The following ARB2A variants were observed in gnomAD, a reference collection of about 807,000 sequenced individuals.
The protein encoded by ARB2A is cotranscriptional regulator ARB2A.
chr5:94,083,183 G>A, the ARB2A span, among the ~76,000 whole-genome samples: 1 of 152,130 alleles, frequency 6.6e-6, no homozygotes, highest in African/African-American at 2.4e-5. Context: ...TATATTATTA[G>A]ACCTATGCTT....
chr5:93,830,863 A>G, the ARB2A span, among the ~76,000 whole-genome samples: 1 of 152,148 alleles, frequency 6.6e-6, no homozygotes. Flanking sequence ...ACATAATTAT[A>G]CAACTAACCA....
the ARB2A span, among the ~76,000 whole-genome samples, chr5:93,662,544 T>C: frequency 6.6e-6 from 1 of 152,222 alleles, no homozygotes; most frequent in African/African-American, 2.4e-5. Context: ...CTATATACCA[T>C]ACACATATAC....
the ARB2A span, among the ~76,000 whole-genome samples, chr5:94,054,860 A>ATAC: frequency 6.6e-6 from 1 of 152,154 alleles, no homozygotes; most frequent in Non-Finnish European, 1.5e-5. Flanking sequence ...TTATAATCCA[A>ATAC]TACTACATCA....
At chr5:93,705,913 G>A in the ARB2A span, among the ~76,000 whole-genome samples, 9 of 152,142 alleles carry the variant, frequency 5.9e-5, no homozygotes, top group African/African-American at 1.9e-4. Flanking sequence ...AGTTCTTAAC[G>A]TATAATGCCC....
At chr5:93,700,999 G>A in the ARB2A span, among the ~76,000 whole-genome samples, 44 of 152,188 alleles carry the variant, frequency 2.9e-4, no homozygotes, top group African/African-American at 1.1e-3. Flanking sequence ...ACCAAATGCT[G>A]AAAAACAAGA....
At chr5:93,970,842 G>A in the ARB2A span, among the ~76,000 whole-genome samples, 7 of 151,948 alleles carry the variant, frequency 4.6e-5, no homozygotes, top group Admixed American at 2.0e-4. Flanking sequence ...AACATTATTC[G>A]TTTGCTTAGA....
chr5:94,081,832 C>T, the ARB2A span, among the ~76,000 whole-genome samples: 1 of 151,916 alleles, frequency 6.6e-6, no homozygotes, highest in Admixed American at 6.6e-5. Context: ...CTCTTTTCTA[C>T]AGCTCTAATG....
At chr5:93,948,294 G>A in the ARB2A span, among the ~76,000 whole-genome samples, 1 of 152,040 alleles carries the variant, frequency 6.6e-6, no homozygotes, top group African/African-American at 2.4e-5. Flanking sequence ...TGTGTTTTTT[G>A]GCTGCATAAA....
chr5:93,948,142 G>A, the ARB2A span, among the ~76,000 whole-genome samples: 15 of 152,054 alleles, frequency 9.9e-5, no homozygotes, highest in East Asian at 1.9e-4. Flanking sequence ...GTGTAAAAGT[G>A]TTCCTATTTC....
the ARB2A span, among the ~76,000 whole-genome samples, chr5:93,901,327 C>T: frequency 1.3e-5 from 2 of 152,172 alleles, no homozygotes; most frequent in Non-Finnish European, 2.9e-5. Flanking sequence ...AAACATCCAT[C>T]TTCTTCAGGG....
the ARB2A span, among the ~76,000 whole-genome samples, chr5:94,100,278 A>T: frequency 2.0e-5 from 3 of 152,180 alleles, no homozygotes; most frequent in African/African-American, 7.2e-5. Context: ...TGCTGAAAGA[A>T]ATCAGAGATG....
At chr5:93,880,676 T>C in the ARB2A span, among the ~76,000 whole-genome samples, 3 of 151,724 alleles carry the variant, frequency 2.0e-5, no homozygotes, top group Non-Finnish European at 4.4e-5. Context: ...AAATGTCTCA[T>C]ATATATAATT....
the ARB2A span, among the ~76,000 whole-genome samples, chr5:93,928,323 G>A: frequency 3.3e-5 from 5 of 152,148 alleles, no homozygotes; most frequent in East Asian, 5.8e-4. Context: ...AATGTCTAAC[G>A]GACCAATGTT....
At chr5:93,884,561 A>G in the ARB2A span, among the ~76,000 whole-genome samples, 1 of 151,722 alleles carries the variant, frequency 6.6e-6, no homozygotes, top group East Asian at 1.9e-4. Context: ...ATTTGTTATC[A>G]TTTAGATTTC....
At chr5:93,992,577 A>C in the ARB2A span, among the ~76,000 whole-genome samples, 5 of 152,152 alleles carry the variant, frequency 3.3e-5, no homozygotes, top group East Asian at 9.6e-4. Context: ...CTTCTACAGA[A>C]GGATGTAATA....
the ARB2A span, among the ~76,000 whole-genome samples, chr5:94,009,050 T>C: frequency 6.6e-6 from 1 of 152,102 alleles, no homozygotes; most frequent in African/African-American, 2.4e-5. Flanking sequence ...ATAAACTAAT[T>C]TGATTTCTGG....
the ARB2A span, chr5:93,743,638 A>T: frequency 1.4e-6 from 1 of 727,508 alleles, no homozygotes; most frequent in Non-Finnish European, 1.7e-6. Flanking sequence ...ATATATGCTA[A>T]GGTCCACATA....
At chr5:93,733,795 A>C in the ARB2A span, 1 of 152,194 alleles carries the variant, frequency 6.6e-6, no homozygotes, top group Non-Finnish European at 1.5e-5. Context: ...CACTAGGTTT[A>C]ATTGCAATGG....
chr5:93,977,508 A>T, the ARB2A span, among the ~76,000 whole-genome samples: 60 of 152,220 alleles, frequency 3.9e-4, no homozygotes, highest in Middle Eastern at 3.4e-3. Context: ...GTAAAAATAA[A>T]CAATGGGGAA....
Sources: allele counts gnomAD v4.1 joint callset (sites outside exome capture counted in the v4.1 genomes callset), GRCh38; gene constraint gnomAD v4.1.1; transcripts MANE v1.5; gene names NCBI Gene and HGNC (gene_info 2026-07-23, HGNC 2026-07-21).